The following COL24A1 variants were observed in gnomAD, a reference collection of about 807,000 sequenced individuals.
COL24A1 encodes the protein collagen alpha-1(XXIV) chain.
In COL24A1, 224 loss-of-function variants were observed where a neutral mutation model predicts 253.9. The observed-to-expected ratio is 0.88, with a 90% CI of 0.79 to 0.99. The LOEUF is 0.99. Among genes scored for constraint, COL24A1 ranks in the 50% least tolerant of loss-of-function variants. The probability of loss-of-function intolerance (pLI) is 0.00; values close to 1 mark genes in which losing one functional copy is unlikely to be tolerated. For missense variants in COL24A1, 2,131 were observed against 2,068.5 expected (o/e 1.03, Z -0.59); for synonymous variants, 685 against 673.7 (o/e 1.02, Z -0.26).
intron 7 of COL24A1, among the ~76,000 whole-genome samples, chr1:86,072,502 T>C (rs1400987274): frequency 6.6e-6 from 1 of 152,132 alleles, no homozygotes; most frequent in South Asian, 2.1e-4. Context: ...CAGGGACTTA[T>C]AGATAAAACT....
At chr1:85,851,900 G>A (rs932229192) in intron 37 of COL24A1, among the ~76,000 whole-genome samples, 1 of 152,108 alleles carries the variant, frequency 6.6e-6, no homozygotes, top group African/African-American at 2.4e-5. Context: ...ACTAACACAA[G>A]TTTGCAATTT....
intron 47 of COL24A1, among the ~76,000 whole-genome samples, chr1:85,810,341 T>A (rs1387889912): frequency 1.3e-5 from 2 of 152,192 alleles, no homozygotes; most frequent in Non-Finnish European, 2.9e-5. Context: ...GCCCCATCCC[T>A]TTTCTAGAAA....
chr1:85,757,473 A>G (rs2101060054), intron 55 of COL24A1, among the ~76,000 whole-genome samples: 1 of 152,292 alleles, frequency 6.6e-6, no homozygotes, highest in South Asian at 2.1e-4. Context: ...TACAATGACT[A>G]TTAGTAGATT....
intron 7 of COL24A1, among the ~76,000 whole-genome samples, chr1:86,066,366 G>C (rs948980087): frequency 6.6e-6 from 1 of 151,124 alleles, no homozygotes; most frequent in Admixed American, 6.6e-5. Flanking sequence ...AGCCTCCGGA[G>C]TAGCTGGGAC....
intron 10 of COL24A1, among the ~76,000 whole-genome samples, chr1:86,051,183 C>T (rs922351201): frequency 2.0e-5 from 3 of 152,072 alleles, no homozygotes; most frequent in Admixed American, 6.6e-5. Flanking sequence ...GTTCAACAAA[C>T]ATTATTTTAG....
chr1:85,832,938 C>T (rs1296152589), intron 43 of COL24A1, among the ~76,000 whole-genome samples: 1 of 151,380 alleles, frequency 6.6e-6, no homozygotes, highest in African/African-American at 2.4e-5. Flanking sequence ...TGCCTAATTG[C>T]CCTGGCCAGA....
intron 55 of COL24A1, among the ~76,000 whole-genome samples, chr1:85,757,024 A>G (rs1338793685): frequency 6.6e-6 from 1 of 152,228 alleles, no homozygotes; most frequent in African/African-American, 2.4e-5. Context: ...AGAGACAGAA[A>G]GTAGAACGGT....
rs187478471 is a variant in COL24A1 at position 86,002,890 on chromosome 1, T to C, written c.2310+14261A>G. ...TTGGGGTCTAAGGAGCAAACCATTC[T>C]ATACCTAGGAATACTACTCTAGCCC... On this transcript the variant is annotated intron_variant, in intron 19 of 59. Coordinates refer to ENST00000370571, the MANE Select transcript of COL24A1 (RefSeq NM_152890.7). 3.3e-5 allele frequency among the ~76,000 whole-genome samples: 5 copies of C among 152,318 alleles called. No homozygotes were observed. The East Asian group carries it at 9.7e-4, about 29-fold the overall frequency.
chr1:86,041,977 A>G (rs1296797795), intron 12 of COL24A1, among the ~76,000 whole-genome samples: 1 of 152,132 alleles, frequency 6.6e-6, no homozygotes, highest in Non-Finnish European at 1.5e-5. Flanking sequence ...GAAGGCACAG[A>G]GAGCCCCAGG....
rs1653645283 is a variant in COL24A1, at chr1:86,156,511, A to G, written c.-115T>C. On this transcript the variant is annotated 5_prime_UTR_variant, in exon 1 of 60. An upstream start codon of the reference 5' UTR is lost. Transcript: ENST00000370571. ...GGGAAAAAACAATCACATGAAAACCATGCTTCAAACCCGCAACAAGAAAAA... is the reference window on the plus strand; with the variant it reads ...GGGAAAAAACAATCACATGAAAACCGTGCTTCAAACCCGCAACAAGAAAAA... The G allele has an allele frequency of 9.5e-6, 9 of 946,874 alleles. No homozygotes were observed. In the South Asian group the frequency reaches 1.8e-4, roughly 19 times the overall value. The allele number at this position is 946,874 out of a possible 1,614,324, so 58.7% of individuals were successfully genotyped here. A position where few individuals can be genotyped will look rare whatever the true frequency, so the allele number is the denominator to read the frequency against.
At chr1:86,024,712 G>C (rs528402862) in intron 14 of COL24A1, among the ~76,000 whole-genome samples, 1 of 152,214 alleles carries the variant, frequency 6.6e-6, no homozygotes, top group East Asian at 1.9e-4. Context: ...ACAGTGGCTA[G>C]TTTATTCAAA....
intron 43 of COL24A1, among the ~76,000 whole-genome samples, chr1:85,827,793 T>G (rs376815042): frequency 1.3e-5 from 2 of 151,886 alleles, no homozygotes; most frequent in African/African-American, 4.8e-5. Context: ...TTTTTTATTG[T>G]GTCTGTTTGA....
At chr1:85,819,569 C>T (rs1343489109) in intron 45 of COL24A1, among the ~76,000 whole-genome samples, 1 of 152,000 alleles carries the variant, frequency 6.6e-6, no homozygotes, top group Non-Finnish European at 1.5e-5. Flanking sequence ...GTTTTTTAAA[C>T]ACAAAAGCCT....
At chr1:85,801,280 T>G (rs1039999680) in intron 47 of COL24A1, among the ~76,000 whole-genome samples, 8 of 152,176 alleles carry the variant, frequency 5.3e-5, no homozygotes, top group African/African-American at 1.9e-4. Context: ...CCACCCCTTC[T>G]CTATCTTGCA....
intron 7 of COL24A1, among the ~76,000 whole-genome samples, chr1:86,081,348 A>G (rs1702626028): frequency 6.6e-6 from 1 of 151,784 alleles, no homozygotes; most frequent in African/African-American, 2.4e-5. Context: ...CCTCTGGAAC[A>G]TCCTTGTCCT....
chr1:85,758,842 C>T (rs1322445062), intron 55 of COL24A1, among the ~76,000 whole-genome samples: 2 of 152,184 alleles, frequency 1.3e-5, no homozygotes, highest in African/African-American at 4.8e-5. Flanking sequence ...ATTTATATAA[C>T]ATAAAATTCA....
intron 37 of COL24A1, among the ~76,000 whole-genome samples, chr1:85,850,637 A>G (rs577482784): frequency 1.9e-4 from 29 of 152,288 alleles, no homozygotes; most frequent in Admixed American, 7.2e-4. Context: ...GTGAGCTTTT[A>G]AAAGTCAGAC....
At chr1:85,774,974 C>T (rs388472) in intron 53 of COL24A1, among the ~76,000 whole-genome samples, 144,094 of 152,274 alleles carry the variant, frequency 0.95, 68,221 homozygotes, top group Non-Finnish European at 0.96. Context: ...GGGTGTCAAT[C>T]TTAGATCTTT....
intron 12 of COL24A1, among the ~76,000 whole-genome samples, chr1:86,038,753 C>T (rs2101585865): frequency 6.6e-6 from 1 of 152,192 alleles, no homozygotes; most frequent in South Asian, 2.1e-4. Flanking sequence ...ATACATTCAG[C>T]AGCACTGTGG....
Sources: allele counts gnomAD v4.1 joint callset (sites outside exome capture counted in the v4.1 genomes callset), GRCh38; gene constraint gnomAD v4.1.1; transcripts MANE v1.5; gene names NCBI Gene and HGNC (gene_info 2026-07-23, HGNC 2026-07-21).